SIK3: variants seen among roughly 807,000 people sequenced by gnomAD.
The protein encoded by SIK3 is serine/threonine-protein kinase SIK3.
A neutral mutation model predicts 144.2 loss-of-function variants in SIK3; 28 were observed. The ratio of observed to expected loss-of-function variants is 0.19; its 90% confidence interval spans 0.14 to 0.27. The LOEUF is 0.27. Among genes scored for constraint, SIK3 ranks in the 10% least tolerant of loss-of-function variants. The pLI is 1.00. For synonymous variants in SIK3, 686 were observed against 676.3 expected, an observed-to-expected ratio of 1.01 and a Z score of -0.22; for missense variants, 1,319 against 1,776.0, an observed-to-expected ratio of 0.74 and a Z score of 4.62.
chr11:116,941,053 C>A (rs1948271649), intron 3 of SIK3, among the ~76,000 whole-genome samples: 1 of 152,128 alleles, frequency 6.6e-6, no homozygotes, highest in Non-Finnish European at 1.5e-5. Context: ...GTCCCCCAGG[C>A]TGGAGTGCAG....
chr11:116,972,263 C>G (rs948462006), intron 1 of SIK3, among the ~76,000 whole-genome samples: 2 of 152,138 alleles, frequency 1.3e-5, no homozygotes, highest in African/African-American at 2.4e-5. Context: ...CGAAGCCAGA[C>G]AGTCGAGCTC....
Position 116,858,458 on chromosome 11 carries a change from T to C in SIK3, c.3007A>G (p.Thr1003Ala), listed in dbSNP as rs528414213. Residue 1003 changes from threonine to alanine, a missense_variant, in exon 21 of 25, where the codon ACG (threonine) becomes GCG (alanine). Physicochemically the swap from Thr to Ala is moderately conservative, Grantham distance 58. Transcript: ENST00000445177. This position sits in a 1 kb window ranked among gnomAD's most constrained non-coding sequence, Gnocchi z 5.4. ...SALQQALLSPTPPDYTRHQQV... is the reference protein window; with the variant it reads ...SALQQALLSPAPPDYTRHQQV... ...TGGTGTCTTGTATAGTCTGGCGGCG[T>C]GGGAGACAGCAGGGCCTGCTGTAGT... 2 of 1,604,740 alleles carry C rather than the reference T, an allele frequency of 1.2e-6. No individual in the cohort carries two copies. The highest frequency in any genetic ancestry group is 2.2e-5 in the South Asian group (2 of 89,836).
intron 3 of SIK3, among the ~76,000 whole-genome samples, chr11:116,946,915 A>G (rs183127196): frequency 1.9e-3 from 281 of 151,836 alleles, no homozygotes; most frequent in Middle Eastern, 3.4e-3. Flanking sequence ...GGAGATCAAG[A>G]CCATCCTGGC....
At chr11:116,851,015 G>T (rs937900726) in intron 21 of SIK3, among the ~76,000 whole-genome samples, 4 of 152,068 alleles carry the variant, frequency 2.6e-5, no homozygotes, top group Non-Finnish European at 1.5e-5. Context: ...TCTCAAAAAA[G>T]AATAATAAAA....
chr11:116,849,536 CCTTCT>C lies in SIK3; in HGVS notation c.3656-258_3656-254del, dbSNP rs912208271. On this transcript the variant is annotated intron_variant, in intron 21 of 24. Coordinates refer to ENST00000445177, the MANE Select transcript of SIK3 (RefSeq NM_001366686.3). This position sits in a 1 kb window ranked among gnomAD's most constrained non-coding sequence, Gnocchi z 4.2. ...CAGGGCATGGCTGGACCCCACCGAACCTTCTCTTCTTTCATTTCTCTGTTGAATTA... is the reference window on the plus strand; with the variant it reads ...CAGGGCATGGCTGGACCCCACCGAACCTTCTTTCATTTCTCTGTTGAATTA... Among the ~76,000 whole-genome samples, 1 of 152,150 alleles carries C rather than the reference CCTTCT, an allele frequency of 6.6e-6. No homozygotes were observed. The highest frequency in any genetic ancestry group is 1.5e-5 in the Non-Finnish European group (1 of 68,016).
intron 4 of SIK3, among the ~76,000 whole-genome samples, chr11:116,915,153 T>TGTGTGTGTGTGTGTGCGC (rs1182331838): frequency 8.7e-5 from 13 of 149,212 alleles, no homozygotes; most frequent in African/African-American, 3.2e-4. Context: ...TGTGTGTGTG[T>TGTGTGTGTGTGTGTGCGC]GTGTGTGTAT....
intron 1 of SIK3, among the ~76,000 whole-genome samples, chr11:116,998,713 T>G (rs1195069564): frequency 1.3e-5 from 2 of 152,204 alleles, no homozygotes; most frequent in African/African-American, 2.4e-5. Context: ...AAAGCCCAGC[T>G]AGGGCCTGGC....
intron 6 of SIK3, among the ~76,000 whole-genome samples, chr11:116,894,803 C>CA (rs1475979123): frequency 2.6e-5 from 4 of 152,182 alleles, no homozygotes; most frequent in South Asian, 2.1e-4. Flanking sequence ...TTACCATCTC[C>CA]ATCTCGACAC....
intron 1 of SIK3, among the ~76,000 whole-genome samples, chr11:117,058,519 CAA>C (rs61453348): frequency 1.0e-4 from 12 of 116,826 alleles, no homozygotes; most frequent in Non-Finnish European, 7.4e-5. Context: ...GACTCCATCT[CAA>C]AAAAAAAAAA....
At chr11:117,063,314 G>C (rs1953881319) in intron 1 of SIK3, among the ~76,000 whole-genome samples, 1 of 152,086 alleles carries the variant, frequency 6.6e-6, no homozygotes, top group Non-Finnish European at 1.5e-5. Flanking sequence ...AGTGAGATTG[G>C]AATTCCCCCA....
In SIK3 at chr11:116,875,210, A is replaced by G. The variant is rs772625852; in HGVS notation, c.1375T>C (p.Leu459=). 18 of 1,614,202 alleles carry G rather than the reference A, an allele frequency of 1.1e-5. No individual in the cohort carries two copies. In the South Asian group the frequency reaches 1.6e-4, roughly 15 times the overall value. Residue 459 remains leucine, a synonymous_variant, in exon 11 of 25, where the codon TTG becomes CTG. Transcript: ENST00000445177. ...CTCCTCATTGACAAATAGCGCACCA[A>G]TGCTTCAGGGGAAGGCTCTTCACCC... The part of the protein sequence containing the change: ...DEGEEPSPEA[L]VRYLSMRRHT...
At chr11:117,031,718 T>C (rs990834331) in intron 1 of SIK3, among the ~76,000 whole-genome samples, 1 of 140,230 alleles carries the variant, frequency 7.1e-6, no homozygotes, top group Non-Finnish European at 1.5e-5. Flanking sequence ...TTTTTTTGTA[T>C]ATTTAGTAGA....
chr11:117,055,223 C>G (rs564361699), intron 1 of SIK3, among the ~76,000 whole-genome samples: 43 of 152,206 alleles, frequency 2.8e-4, no homozygotes, highest in African/African-American at 9.9e-4. Flanking sequence ...TATTTTTGTA[C>G]GAACTTAAGC....
chr11:117,084,000 G>A (rs1954899229), intron 1 of SIK3, among the ~76,000 whole-genome samples: 6 of 152,216 alleles, frequency 3.9e-5, no homozygotes, highest in Middle Eastern at 3.4e-3. Context: ...ATACCACCTC[G>A]AAGTACACAC....
chr11:117,023,650 C>A (rs1239917533), intron 1 of SIK3, among the ~76,000 whole-genome samples: 2 of 131,948 alleles, frequency 1.5e-5, no homozygotes, highest in Non-Finnish European at 1.6e-5. Context: ...ATATATTGCA[C>A]ACTGCACTAT....
Position 116,876,311 on chromosome 11 carries a change from T to C in SIK3, c.1037A>G (p.Asn346Ser), listed in dbSNP as rs1422473262. ...CTCCATGGCCAAGAGGACATCCTCA[T>C]TCAGGGGGTCCACCTGTCTTTCTTC... Reference protein sequence around the residue: ...LKEERQVDPLNEDVLLAMEDM... With the variant: ...LKEERQVDPLSEDVLLAMEDM... The change falls in exon 8 of 25, where the codon AAT becomes AGT. Residue 346 changes from asparagine to serine, a missense_variant. Asn to Ser is a conservative substitution (Grantham distance 46, BLOSUM62 1). Transcript: ENST00000445177. The C allele has an allele frequency of 6.2e-7, 1 of 1,614,262 alleles. No individual in the cohort carries two copies.
At chr11:117,013,907 G>GTGTGTGTGTGTGT (rs1485971413) in intron 1 of SIK3, among the ~76,000 whole-genome samples, 3 of 44,904 alleles carry the variant, frequency 6.7e-5, no homozygotes, top group East Asian at 4.8e-4. Context: ...TGAGGGGGGG[G>GTGTGTGTGTGTGT]GGGGGAGGGT....
Position 116,868,051 on chromosome 11 carries a change from A to G in SIK3, c.1847T>C (p.Met616Thr). ...ANRSKRHTLA[M>T]TNPTAEIPPD... ...TGGGATCTCAGCTGTAGGGTTGGTC[A>G]TGGCCAGTGTATGTCTTTTGGACCT... is the stretch of plus-strand genomic sequence containing the variant. Residue 616 changes from methionine (M) to threonine (T), a missense_variant, in exon 15 of 25, where the codon ATG becomes ACG. This residue lies in a region of SIK3 where 167 missense variants were observed against 263.3 expected (regional missense o/e 0.63). Coordinates refer to ENST00000445177, the MANE Select transcript of SIK3 (RefSeq NM_001366686.3). 1 of 1,550,656 alleles carries G rather than the reference A, an allele frequency of 6.4e-7. No individual in the cohort carries two copies. The highest frequency in any genetic ancestry group is 1.4e-5 in the African/African-American group (1 of 73,184).
rs11820014 is a variant in SIK3 at position 116,844,679 on chromosome 11, A to G, written c.*964T>C. On this transcript the variant is annotated 3_prime_UTR_variant, in exon 25 of 25. Coordinates refer to ENST00000445177, the MANE Select transcript of SIK3 (RefSeq NM_001366686.3). ...TATAATATATATATACACATATATT[A>G]TATTATATATATACACACATATATA... The G allele has an allele frequency of 0.089, 11,769 of 132,490 alleles. 1,750 individuals are homozygous for G. Among genetic ancestry groups the G allele is most frequent in the African/African-American group, 0.32 (11,136 of 35,182 alleles). 8.2% of individuals were successfully genotyped at this position (132,490 alleles called of 1,614,324 possible). A position where few individuals can be genotyped will look rare whatever the true frequency, so the allele number is the denominator to read the frequency against.
Sources: allele counts gnomAD v4.1 joint callset (sites outside exome capture counted in the v4.1 genomes callset), GRCh38; gene constraint gnomAD v4.1.1; regional missense constraint gnomAD v4.1.1; non-coding constraint Gnocchi (gnomAD v3.1); transcripts MANE v1.5; gene names NCBI Gene and HGNC (gene_info 2026-07-23, HGNC 2026-07-21).